Variants in HMGXB4 observed in about 807,000 individuals in gnomAD.
The protein encoded by HMGXB4 is HMG domain-containing protein 4.
In HMGXB4, 27 loss-of-function variants were observed where a neutral mutation model predicts 63.9. That is an observed-to-expected ratio of 0.42 (90% CI 0.31 to 0.58). HMGXB4 has a LOEUF of 0.58. HMGXB4 is among the 20% of genes least tolerant of loss of function. The pLI is 0.13. For synonymous variants in HMGXB4, 264 were observed against 265.3 expected (o/e 0.99, Z 0.05); for missense variants, 624 against 700.7 (o/e 0.89, Z 1.24).
At chr22:35,286,085 T>C in intron 7 of HMGXB4, 24 bp downstream of exon 7, 1 of 1,532,758 alleles carries the variant, frequency 6.5e-7, no homozygotes, top group Non-Finnish European at 9.0e-7. Context: ...CTTACAAACA[T>C]ATTTTTCAGT....
At chr22:35,284,764 T>C (rs897883742) in intron 6 of HMGXB4, among the ~76,000 whole-genome samples, 1 of 152,202 alleles carries the variant, frequency 6.6e-6, no homozygotes, top group East Asian at 1.9e-4. Context: ...ACTGTATTTG[T>C]CTCTGTATTA....
At chr22:35,293,572 T>G (rs1290765579) in intron 10 of HMGXB4, 35 bp from the exon 11 acceptor site, 1 of 1,478,620 alleles carries the variant, frequency 6.8e-7, no homozygotes, top group Non-Finnish European at 9.5e-7. Context: ...CAAGGTACAG[T>G]ACTCTTCAGT....
the HMGXB4 span, among the ~76,000 whole-genome samples, chr22:35,243,700 C>T: frequency 1.3e-5 from 2 of 151,996 alleles, no homozygotes; most frequent in South Asian, 2.1e-4. Context: ...TATGCCACCA[C>T]GCCCGGCTAA....
intron 5 of HMGXB4, among the ~76,000 whole-genome samples, chr22:35,267,247 G>T (rs532921695): frequency 4.1e-4 from 62 of 151,492 alleles, no homozygotes; most frequent in Admixed American, 2.2e-3. Flanking sequence ...CCAGGAATCA[G>T]TGTGAACATA....
At chr22:35,269,445 T>A (rs1923467975) in intron 5 of HMGXB4, among the ~76,000 whole-genome samples, 1 of 152,210 alleles carries the variant, frequency 6.6e-6, no homozygotes, top group Non-Finnish European at 1.5e-5. Flanking sequence ...CAGCACTGTC[T>A]GCTTGGGGCA....
chr22:35,266,819 C>CA (rs1601628105), intron 5 of HMGXB4, among the ~76,000 whole-genome samples: 1 of 151,788 alleles, frequency 6.6e-6, no homozygotes, highest in East Asian at 1.9e-4. Context: ...CCAGTCTCTA[C>CA]AAAAAAATAC....
At chr22:35,270,701 A>G (rs887004111) in intron 5 of HMGXB4, among the ~76,000 whole-genome samples, 1 of 152,264 alleles carries the variant, frequency 6.6e-6, no homozygotes, top group Non-Finnish European at 1.5e-5. Context: ...GGACTTATCT[A>G]TAATTTGCCC....
the HMGXB4 span, among the ~76,000 whole-genome samples, chr22:35,252,021 C>T: frequency 1.3e-5 from 2 of 152,110 alleles, no homozygotes; most frequent in Non-Finnish European, 2.9e-5. Context: ...TAGAGACCAG[C>T]CTGGCCAACA....
the HMGXB4 span, among the ~76,000 whole-genome samples, chr22:35,250,438 G>A: frequency 1.3e-5 from 2 of 152,074 alleles, no homozygotes; most frequent in African/African-American, 4.8e-5. Context: ...ACATGAACTC[G>A]TAAAGCAAGA....
intron 9 of HMGXB4, among the ~76,000 whole-genome samples, chr22:35,292,631 G>A (rs377296641): frequency 1.2e-4 from 18 of 152,130 alleles, no homozygotes; most frequent in Non-Finnish European, 1.5e-4. Flanking sequence ...TATATTTGTC[G>A]AGTTTATAAC....
chr22:35,261,365 G>A (rs1248723356), intron 1 of HMGXB4, among the ~76,000 whole-genome samples: 1 of 151,736 alleles, frequency 6.6e-6, no homozygotes, highest in Non-Finnish European at 1.5e-5. Flanking sequence ...GAACCCGGGA[G>A]GCGGAGGTTG....
chr22:35,262,995 C>G (rs1922957465), intron 2 of HMGXB4, 83 bp from the exon 3 acceptor site: 6 of 1,250,650 alleles, frequency 4.8e-6, no homozygotes, highest in Non-Finnish European at 7.0e-6. Context: ...AATAGAGGAA[C>G]TGTTGCATTA....
At chr22:35,272,508 T>C (rs975743313) in intron 5 of HMGXB4, among the ~76,000 whole-genome samples, 1 of 152,202 alleles carries the variant, frequency 6.6e-6, no homozygotes, top group Non-Finnish European at 1.5e-5. Flanking sequence ...TATGGTAATA[T>C]CTTGATGATT....
chr22:35,260,865 C>T (rs990398520), intron 1 of HMGXB4, among the ~76,000 whole-genome samples: 4 of 152,064 alleles, frequency 2.6e-5, no homozygotes, highest in Non-Finnish European at 5.9e-5. Context: ...TGAAAGTCTC[C>T]CTTGTTAATC....
chr22:35,273,520 T>C (rs4821388), intron 5 of HMGXB4, among the ~76,000 whole-genome samples: 77,875 of 152,142 alleles, frequency 0.51, 22,852 homozygotes, highest in Non-Finnish European at 0.65. Context: ...GCTTAGTAAA[T>C]GTCAGCTGTT....
intron 5 of HMGXB4, among the ~76,000 whole-genome samples, chr22:35,270,276 C>G (rs979927413): frequency 6.6e-6 from 1 of 152,166 alleles, no homozygotes; most frequent in African/African-American, 2.4e-5. Flanking sequence ...CATAGGAGCA[C>G]AAACCCCAGC....
upstream of HMGXB4, among the ~76,000 whole-genome samples, chr22:35,253,611 G>A (rs963094496): frequency 1.5e-4 from 23 of 151,816 alleles, no homozygotes; most frequent in African/African-American, 4.6e-4. Flanking sequence ...GCGCGCGCGC[G>A]CGCGCGTGTG....
At chr22:35,254,731 G>T (rs1162131141), upstream of HMGXB4, among the ~76,000 whole-genome samples, 1 of 152,204 alleles carries the variant, frequency 6.6e-6, no homozygotes, top group African/African-American at 2.4e-5. Context: ...CACATGCTGT[G>T]TTTTCAATAA....
At chr22:35,277,850 T>G (rs5755679) in intron 5 of HMGXB4, among the ~76,000 whole-genome samples, 2 of 151,938 alleles carry the variant, frequency 1.3e-5, no homozygotes, top group Non-Finnish European at 2.9e-5. Context: ...TGAACCTACA[T>G]TGACACATCA....
Sources: gnomAD v4.1 joint callset for allele counts (sites outside exome capture counted in the v4.1 genomes callset) on GRCh38, gnomAD v4.1.1 for gene constraint, MANE v1.5 for transcripts, NCBI Gene and HGNC (gene_info 2026-07-23, HGNC 2026-07-21) for gene names.